PHACTR1: variants seen among roughly 807,000 people sequenced by gnomAD.
PHACTR1 encodes phosphatase and actin regulator 1.
In PHACTR1, 16 loss-of-function variants were observed where a neutral mutation model predicts 69.2. That is an observed-to-expected ratio of 0.23 (90% CI 0.16 to 0.35). The LOEUF is 0.35. Ranked by LOEUF, PHACTR1 falls within the 10% of genes least tolerant of loss-of-function variation. PHACTR1 has a pLI of 1.00. For missense variants in PHACTR1, 510 were observed against 734.7 expected (o/e 0.69, Z 3.54); for synonymous variants, 312 against 284.5 (o/e 1.10, Z -0.97).
intron 4 of PHACTR1, among the ~76,000 whole-genome samples, chr6:12,940,213 T>C (rs1370132854): frequency 1.3e-5 from 2 of 152,250 alleles, no homozygotes; most frequent in East Asian, 3.8e-4. Flanking sequence ...AGGTTTAAGC[T>C]AATTAGGGAA....
At chr6:12,929,102 C>G (rs575486477) in intron 4 of PHACTR1, among the ~76,000 whole-genome samples, 1 of 152,322 alleles carries the variant, frequency 6.6e-6, no homozygotes, top group South Asian at 2.1e-4. Context: ...ACCTCCAATC[C>G]CCCTCACCTG....
chr6:13,010,726 T>C (rs1799353258), intron 4 of PHACTR1, among the ~76,000 whole-genome samples: 1 of 151,750 alleles, frequency 6.6e-6, no homozygotes, highest in Non-Finnish European at 1.5e-5. Context: ...GTTAAGTGTA[T>C]CCTAAATAAG....
intron 5 of PHACTR1, among the ~76,000 whole-genome samples, chr6:13,152,443 A>G (rs1824456846): frequency 6.6e-6 from 1 of 152,200 alleles, no homozygotes; most frequent in African/African-American, 2.4e-5. Context: ...ATCATGGGGA[A>G]CTGGCTTTCG....
At chr6:13,095,130 C>T (rs1295959911) in intron 5 of PHACTR1, among the ~76,000 whole-genome samples, 1 of 152,188 alleles carries the variant, frequency 6.6e-6, no homozygotes, top group Non-Finnish European at 1.5e-5. Flanking sequence ...GCAACTTGAT[C>T]TTGGAATTCC....
At chr6:13,018,473 G>C (rs774652411) in intron 4 of PHACTR1, among the ~76,000 whole-genome samples, 1 of 152,198 alleles carries the variant, frequency 6.6e-6, no homozygotes, top group Admixed American at 6.5e-5. Context: ...ATGGCGCCTT[G>C]CAAGAGAAAG....
rs111387468 is a variant in PHACTR1, at chr6:13,001,518, T to C, written c.251-51847T>C. 3.1e-3 allele frequency among the ~76,000 whole-genome samples: 478 copies of C among 152,304 alleles called. 2 individuals carry two copies. Among genetic ancestry groups the C allele is most frequent in the African/African-American group, 0.011 (450 of 41,560 alleles). On this transcript the variant is annotated intron_variant, in intron 4 of 14. Coordinates refer to ENST00000332995, the MANE Select transcript of PHACTR1 (RefSeq NM_030948.6). ...GACTACAGATTCCAACTCTAGTTTT[T>C]TCATTGTCCTCTCCCCACCATGACC...
chr6:12,841,378 G>T (rs1356229610), intron 4 of PHACTR1, among the ~76,000 whole-genome samples: 1 of 151,686 alleles, frequency 6.6e-6, no homozygotes. Context: ...AGGATGATTT[G>T]AGAGGCCACC....
At chr6:13,063,533 G>A (rs1288954297) in intron 5 of PHACTR1, among the ~76,000 whole-genome samples, 1 of 152,072 alleles carries the variant, frequency 6.6e-6, no homozygotes, top group Admixed American at 6.5e-5. Context: ...CAGCACTTTG[G>A]GAGGCCAAAG....
chr6:13,156,110 C>T (rs982754344), intron 5 of PHACTR1, among the ~76,000 whole-genome samples: 1 of 152,158 alleles, frequency 6.6e-6, no homozygotes, highest in African/African-American at 2.4e-5. Context: ...TCTGCCCTTC[C>T]ACTTACAGCT....
At position 13,165,565 on chromosome 6, in the gene PHACTR1, A is replaced by G. The variant is rs75663908; in HGVS notation, c.496+5281A>G. Among the ~76,000 whole-genome samples, 1,282 of 152,012 alleles carry G rather than the reference A, an allele frequency of 8.4e-3. 34 individuals are homozygous for G. In the East Asian group the frequency reaches 0.11, roughly 13 times the overall value. ...AGAAATAGGAAATAATACATATAGTATTTGTTGCCAAGGAGTGATGAGCGC... is the reference window on the plus strand; with the variant it reads ...AGAAATAGGAAATAATACATATAGTGTTTGTTGCCAAGGAGTGATGAGCGC... On this transcript the variant is annotated intron_variant, in intron 6 of 14. Coordinates refer to ENST00000332995, the MANE Select transcript of PHACTR1 (RefSeq NM_030948.6).
chr6:13,009,860 GCCACCACCACCACCA>G (rs142689950), intron 4 of PHACTR1, among the ~76,000 whole-genome samples: 6 of 145,484 alleles, frequency 4.1e-5, no homozygotes, highest in East Asian at 4.1e-4. Context: ...TCCCTACACT[GCCACCACCACCACCA>G]CCACCACCAC....
intron 5 of PHACTR1, among the ~76,000 whole-genome samples, chr6:13,112,566 A>T (rs1212586278): frequency 6.6e-6 from 1 of 152,068 alleles, no homozygotes; most frequent in African/African-American, 2.4e-5. Context: ...CTTTTTAATG[A>T]TAGTCTGACT....
chr6:13,158,747 G>T (rs1372860341), intron 5 of PHACTR1, among the ~76,000 whole-genome samples: 1 of 152,158 alleles, frequency 6.6e-6, no homozygotes, highest in Non-Finnish European at 1.5e-5. Context: ...ACTTGACTAA[G>T]GTCACTCGAC....
chr6:12,854,210 T>C (rs1780108545), intron 4 of PHACTR1, among the ~76,000 whole-genome samples: 1 of 152,212 alleles, frequency 6.6e-6, no homozygotes. Context: ...ACTACTTTGA[T>C]TGATTCATTT....
At chr6:12,836,365 G>A (rs1778163236) in intron 4 of PHACTR1, among the ~76,000 whole-genome samples, 2 of 152,084 alleles carry the variant, frequency 1.3e-5, no homozygotes, top group South Asian at 4.1e-4. Context: ...TGGTGGCACC[G>A]TTTGGTAAAC....
chr6:13,284,535 AAAAAAAAAATATATATAT>A (rs1423981020), intron 13 of PHACTR1, among the ~76,000 whole-genome samples: 2 of 105,002 alleles, frequency 1.9e-5, no homozygotes, highest in Non-Finnish European at 3.5e-5. Flanking sequence ...AAAAAAAAAA[AAAAAAAAAATATATATAT>A]ATATATATAT....
chr6:13,151,347 C>T (rs1218162009), intron 5 of PHACTR1, among the ~76,000 whole-genome samples: 3 of 152,150 alleles, frequency 2.0e-5, no homozygotes, highest in Admixed American at 6.6e-5. Context: ...GCTTTTTCTC[C>T]AACTTCTTCA....
intron 10 of PHACTR1, chr6:13,230,474 AGGTGTAGGTT>A: frequency 1.2e-5 from 5 of 416,520 alleles, no homozygotes; most frequent in South Asian, 2.4e-5. Context: ...TGAATCTGGG[AGGTGTAGGTT>A]CCAGTGAGCC....
At chr6:13,111,511 G>A (rs9395425) in intron 5 of PHACTR1, among the ~76,000 whole-genome samples, 149,655 of 152,278 alleles carry the variant, frequency 0.98, 73,599 homozygotes, top group East Asian at 1. Context: ...ACACCTCATT[G>A]TTTTAGTCCT....
Sources: allele counts gnomAD v4.1 joint callset (sites outside exome capture counted in the v4.1 genomes callset), GRCh38; gene constraint gnomAD v4.1.1; transcripts MANE v1.5; gene names NCBI Gene and HGNC (gene_info 2026-07-23, HGNC 2026-07-21).